The following GRM8 variants were observed in gnomAD, a reference collection of about 807,000 sequenced individuals.
GRM8 encodes the protein glutamate metabotropic receptor 8.
A neutral mutation model predicts 87.2 loss-of-function variants in GRM8; 47 were observed. The ratio of observed to expected loss-of-function variants is 0.54; its 90% CI spans 0.43 to 0.69. GRM8 has a LOEUF of 0.69. Among genes scored for constraint, GRM8 ranks in the 30% least tolerant of loss-of-function variants. The probability of loss-of-function intolerance (pLI) is 0.00; values close to 1 mark genes in which losing one functional copy is unlikely to be tolerated. For missense variants in GRM8, 1,019 were observed against 1,139.2 expected (o/e 0.89, Z 1.52); for synonymous variants, 396 against 404.5 (o/e 0.98, Z 0.25).
chr7:127,174,625 G>A (rs1291028644), intron 2 of GRM8, among the ~76,000 whole-genome samples: 3 of 152,036 alleles, frequency 2.0e-5, no homozygotes, highest in Admixed American at 6.6e-5. Flanking sequence ...CTCTTCCAAG[G>A]GTAGTACTAT....
chr7:127,175,562 C>A (rs1794054760), intron 2 of GRM8, among the ~76,000 whole-genome samples: 1 of 152,094 alleles, frequency 6.6e-6, no homozygotes, highest in South Asian at 2.1e-4. Context: ...AGAAAACCAA[C>A]TACAAAGAGA....
At chr7:126,737,354 A>T (rs1473306117) in intron 7 of GRM8, among the ~76,000 whole-genome samples, 1 of 151,954 alleles carries the variant, frequency 6.6e-6, no homozygotes, top group Non-Finnish European at 1.5e-5. Flanking sequence ...TTCATCTCTG[A>T]CCTGACCAAT....
intron 1 of GRM8, among the ~76,000 whole-genome samples, chr7:127,251,473 A>G (rs1798863465): frequency 6.6e-6 from 1 of 151,968 alleles, no homozygotes; most frequent in African/African-American, 2.4e-5. Context: ...CTCCGTTTCT[A>G]TCTCTACCAT....
At chr7:126,710,877 T>C (rs1016421744) in intron 7 of GRM8, among the ~76,000 whole-genome samples, 1 of 152,224 alleles carries the variant, frequency 6.6e-6, no homozygotes, top group Non-Finnish European at 1.5e-5. Flanking sequence ...TATAGCCTTA[T>C]AAAATACATT....
Position 126,846,542 on chromosome 7 carries a change from T to C in GRM8, c.1156+56000A>G, listed in dbSNP as rs1001365412. On this transcript the variant is annotated intron_variant, in intron 6 of 10. Coordinates refer to ENST00000339582, the MANE Select transcript of GRM8 (RefSeq NM_000845.3). Reference sequence around the variant, plus strand: ...ACAAAATTTTCTGTAATGAGTTTTCTGGTAAGCACAGAACTTTGTAACCCT... The same window carrying C: ...ACAAAATTTTCTGTAATGAGTTTTCCGGTAAGCACAGAACTTTGTAACCCT... Among the ~76,000 whole-genome samples the C allele has an allele frequency of 2.2e-4, 33 of 152,358 alleles. 1 individual carries two copies. The highest frequency in any genetic ancestry group is 7.7e-4 in the African/African-American group (32 of 41,598).
At chr7:126,938,490 T>A (rs768747963) in intron 3 of GRM8, among the ~76,000 whole-genome samples, 1 of 152,208 alleles carries the variant, frequency 6.6e-6, no homozygotes, top group East Asian at 1.9e-4. Context: ...GTCTATATAT[T>A]GTGTATACAT....
chr7:126,617,876 G>A (rs1799683542), intron 7 of GRM8, among the ~76,000 whole-genome samples: 1 of 152,168 alleles, frequency 6.6e-6, no homozygotes, highest in African/African-American at 2.4e-5. Flanking sequence ...CAAAATAAAA[G>A]AGGATACAAA....
At chr7:126,958,758 C>T (rs1809012210) in intron 3 of GRM8, among the ~76,000 whole-genome samples, 1 of 152,134 alleles carries the variant, frequency 6.6e-6, no homozygotes. Flanking sequence ...GATCCTGTGA[C>T]ATTCCCTTAA....
chr7:127,018,120 C>T (rs1396574482), intron 3 of GRM8, among the ~76,000 whole-genome samples: 4 of 151,882 alleles, frequency 2.6e-5, no homozygotes, highest in African/African-American at 9.7e-5. Flanking sequence ...CACATACACA[C>T]ATACAGACCA....
At chr7:126,506,359 T>C (rs1810465482) in intron 9 of GRM8, among the ~76,000 whole-genome samples, 2 of 151,988 alleles carry the variant, frequency 1.3e-5, no homozygotes, top group South Asian at 4.1e-4. Context: ...TTCTTTCAAA[T>C]GTACTCCCTA....
chr7:126,877,624 A>G (rs1382385465), intron 6 of GRM8, among the ~76,000 whole-genome samples: 1 of 152,136 alleles, frequency 6.6e-6, no homozygotes, highest in African/African-American at 2.4e-5. Flanking sequence ...CGGTCCACCA[A>G]CCATATCTCT....
chr7:126,528,078 C>T (rs1473006467), intron 9 of GRM8, among the ~76,000 whole-genome samples: 2 of 152,204 alleles, frequency 1.3e-5, no homozygotes, highest in African/African-American at 4.8e-5. Context: ...GTGGCGTGTG[C>T]CTGTAGTCCC....
intron 3 of GRM8, among the ~76,000 whole-genome samples, chr7:126,992,887 TG>T (rs1324958958): frequency 6.6e-6 from 1 of 151,760 alleles, no homozygotes; most frequent in African/African-American, 2.4e-5. Flanking sequence ...CACAGTGAGA[TG>T]GTGGCCACCT....
chr7:126,708,408 A>C (rs1312687828), intron 7 of GRM8, among the ~76,000 whole-genome samples: 10 of 152,096 alleles, frequency 6.6e-5, no homozygotes, highest in Non-Finnish European at 1.3e-4. Context: ...TCAGTTTATT[A>C]AATAGATATC....
chr7:127,191,203 G>C (rs1795011353), intron 2 of GRM8, among the ~76,000 whole-genome samples: 2 of 152,180 alleles, frequency 1.3e-5, no homozygotes, highest in African/African-American at 4.8e-5. Flanking sequence ...CTTTACATCA[G>C]GGCCAAGACT....
intron 6 of GRM8, among the ~76,000 whole-genome samples, chr7:126,887,888 G>C (rs1156606992): frequency 2.0e-5 from 3 of 152,088 alleles, no homozygotes; most frequent in Non-Finnish European, 4.4e-5. Context: ...AGAACAAAAA[G>C]CTAACAGTTT....
intron 7 of GRM8, among the ~76,000 whole-genome samples, chr7:126,754,836 C>T (rs1032058302): frequency 2.0e-5 from 3 of 151,854 alleles, no homozygotes; most frequent in East Asian, 3.9e-4. Flanking sequence ...TTTTCATAAA[C>T]ATTTTGTGTC....
rs534857859 is a variant in GRM8, at chr7:126,533,845, C to T, written c.1537G>A (p.Ala513Thr). The change falls in exon 9 of 11, where the codon GCG becomes ACG. Residue 513 changes from alanine to threonine, a missense_variant. Transcript: ENST00000339582. The part of the protein sequence containing the change: ...QWAHREHTHP[A>T]SVCSLPCKPG... The stretch of plus-strand genomic sequence containing the variant: ...TTACACGGCAGGCTGCAGACAGACG[C>T]CGGGTGAGTATGTTCTCTATGAGCC... 1.2e-6 allele frequency: 2 copies of T among 1,613,994 alleles called. No individual in the cohort carries two copies. The highest frequency in any genetic ancestry group is 2.2e-5 in the East Asian group (1 of 44,860).
Position 126,943,709 on chromosome 7 carries a change from G to A in GRM8, c.728-39026C>T, listed in dbSNP as rs377460917. Among the ~76,000 whole-genome samples the A allele has an allele frequency of 1.4e-4, 21 of 152,302 alleles. 1 individual carries two copies. The East Asian group carries it at 2.5e-3, about 18-fold the overall frequency. ...TGACGCCGTGTATGTGCAAGGTGGT[G>A]AGGCAGCCGAAATTAGGACTATAGA... is the stretch of plus-strand genomic sequence containing the variant. On this transcript the variant is annotated intron_variant, in intron 3 of 10. Coordinates refer to ENST00000339582, the MANE Select transcript of GRM8 (RefSeq NM_000845.3).
Sources: allele counts gnomAD v4.1 joint callset (sites outside exome capture counted in the v4.1 genomes callset), GRCh38; gene constraint gnomAD v4.1.1; transcripts MANE v1.5; gene names NCBI Gene and HGNC (gene_info 2026-07-23, HGNC 2026-07-21).